SNAP91: variants seen among roughly 807,000 people sequenced by gnomAD.
SNAP91 encodes the protein synaptosome associated protein 91, also known as clathrin coat assembly protein AP180.
SNAP91 carries 27 observed loss-of-function variants against 100.3 expected under a neutral mutation model. The ratio of observed to expected loss-of-function variants is 0.27; its 90% CI spans 0.20 to 0.37. SNAP91 has a LOEUF of 0.37. Among genes scored for constraint, SNAP91 ranks in the 10% least tolerant of loss-of-function variants. The pLI is 1.00. For synonymous variants in SNAP91, 404 were observed against 398.6 expected, an observed-to-expected ratio of 1.01 and a Z score of -0.16; for missense variants, 986 against 1,123.7, an observed-to-expected ratio of 0.88 and a Z score of 1.75.
chr6:83,705,281 A>T (rs2099362283), intron 2 of SNAP91, among the ~76,000 whole-genome samples: 1 of 152,202 alleles, frequency 6.6e-6, no homozygotes. Flanking sequence ...ACAGAATTAA[A>T]ATATTTTCAT....
chr6:83,656,774 T>A lies in SNAP91; in HGVS notation c.638A>T (p.Asp213Val). Residue 213 changes from aspartate (D) to valine (V), a missense_variant, in exon 7 of 30, where the codon GAT (aspartate) becomes GTT (valine). Around this residue, in one of 4 missense-constraint regions of SNAP91, gnomAD observed 330 missense variants for 447.5 expected, o/e 0.74. Transcript: ENST00000369694. Reference protein sequence around the residue: ...DLIKLFACYNDGVINLLEKFF... With the variant: ...DLIKLFACYNVGVINLLEKFF... The stretch of plus-strand genomic sequence containing the variant: ...CCTACCGAGTAAGTTAATAACACCA[T>A]CATTGTAGCAAGCAAAAAGTTTGAT... 1 of 1,584,494 alleles carries A rather than the reference T, an allele frequency of 6.3e-7. No individual in the cohort carries two copies. Among genetic ancestry groups the A allele is most frequent in the Non-Finnish European group, 8.6e-7 (1 of 1,156,382 alleles).
intron 23 of SNAP91, 69 bp from the exon 24 acceptor site, chr6:83,580,668 A>G: frequency 7.1e-7 from 1 of 1,416,908 alleles, no homozygotes. Context: ...AATTAAAGTA[A>G]AACTCTCTTT....
chr6:83,665,400 C>T, intron 3 of SNAP91, 39 bp downstream of exon 3: 1 of 1,594,900 alleles, frequency 6.3e-7, no homozygotes, highest in Non-Finnish European at 8.5e-7. Context: ...CTAAAAGCCT[C>T]CTTCCTCCAT....
intron 8 of SNAP91, among the ~76,000 whole-genome samples, chr6:83,627,842 CATTT>C (rs1042183109): frequency 7.3e-5 from 11 of 151,658 alleles, no homozygotes; most frequent in African/African-American, 2.4e-4. Context: ...GTGTCAATTT[CATTT>C]ATTTATTTAT....
intron 28 of SNAP91, 142 bp downstream of exon 28, chr6:83,559,962 C>T: frequency 1.5e-6 from 1 of 685,920 alleles, no homozygotes; most frequent in Admixed American, 2.4e-5. Flanking sequence ...TTTTGCAGAT[C>T]TGTCTTCCAA....
intron 22 of SNAP91, among the ~76,000 whole-genome samples, chr6:83,585,654 G>A (rs73751560): frequency 0.036 from 5,441 of 151,986 alleles, 382 homozygotes; most frequent in East Asian, 0.19. Context: ...CTGTTTTCAG[G>A]TACTCAACCA....
Position 83,665,467 on chromosome 6 carries a change from G to A in SNAP91, c.245C>T (p.Thr82Ile), listed in dbSNP as rs1186239843. The change falls in exon 3 of 30, where the codon ACA becomes ATA. Residue 82 changes from threonine to isoleucine, a missense_variant. This residue lies in a region of SNAP91 where 330 missense variants were observed against 447.5 expected (regional missense o/e 0.74). Transcript: ENST00000369694. The part of the protein sequence containing the change: ...WVVVFKALVT[T>I]HHLMVHGNER... ...ATTTCCATGCACCATGAGATGATGT[G>A]TTGTCACTAAAGCCTTAAACACAAC... is the stretch of plus-strand genomic sequence containing the variant. 6.2e-7 allele frequency: 1 copy of A among 1,612,630 alleles called. No homozygotes were observed. Among genetic ancestry groups the A allele is most frequent in the Non-Finnish European group, 8.5e-7 (1 of 1,179,134 alleles).
intron 2 of SNAP91, among the ~76,000 whole-genome samples, chr6:83,694,767 C>A (rs2099174046): frequency 6.6e-6 from 1 of 152,144 alleles, no homozygotes; most frequent in South Asian, 2.1e-4. Flanking sequence ...AGAGGTCAAG[C>A]TTCACCCCTG....
chr6:83,667,492 T>A (rs895115813), intron 2 of SNAP91, among the ~76,000 whole-genome samples: 4 of 152,026 alleles, frequency 2.6e-5, no homozygotes, highest in Non-Finnish European at 5.9e-5. Flanking sequence ...GATAATATTC[T>A]TTTCACTGCT....
intron 2 of SNAP91, among the ~76,000 whole-genome samples, chr6:83,688,518 T>TTTC (rs2099090514): frequency 2.0e-5 from 3 of 151,406 alleles, no homozygotes; most frequent in Admixed American, 2.0e-4. Flanking sequence ...TTTTTTTTTT[T>TTTC]TTTTGAGATT....
intron 24 of SNAP91, among the ~76,000 whole-genome samples, chr6:83,576,758 G>T (rs11756746): frequency 1.3e-5 from 2 of 152,052 alleles, no homozygotes; most frequent in Admixed American, 6.5e-5. Flanking sequence ...TGAGTACAAC[G>T]ATGTGCTGAG....
intron 26 of SNAP91, among the ~76,000 whole-genome samples, chr6:83,569,372 A>T (rs1263011540): frequency 6.6e-6 from 1 of 152,144 alleles, no homozygotes; most frequent in Non-Finnish European, 1.5e-5. Flanking sequence ...TTTTGGGGTT[A>T]AAAAAATGAG....
intron 2 of SNAP91, among the ~76,000 whole-genome samples, chr6:83,707,362 G>A (rs891475950): frequency 2.0e-5 from 3 of 150,306 alleles, no homozygotes; most frequent in Admixed American, 6.6e-5. Flanking sequence ...ATTTAGGAAA[G>A]AACTAGGGTG....
rs114545537 is a variant in SNAP91 at position 83,665,720 on chromosome 6, A to C, written c.131-139T>G. The C allele has an allele frequency of 2.0e-3, 1,304 of 652,922 alleles. 10 individuals carry two copies. The African/African-American group carries it at 0.022, about 11-fold the overall frequency. 40.4% of individuals were successfully genotyped at this position (652,922 alleles called of 1,614,324 possible). On this transcript the variant is annotated intron_variant, in intron 2 of 29. Transcript: ENST00000369694. ...TAATAGCTGATAACAAAATTTAAAA[A>C]ATTAAACTGTAATATTTTACCCATG...
chr6:83,705,595 A>G (rs2099365360), intron 2 of SNAP91, among the ~76,000 whole-genome samples: 1 of 152,154 alleles, frequency 6.6e-6, no homozygotes, highest in Non-Finnish European at 1.5e-5. Flanking sequence ...ACCTGAGGGA[A>G]GGAGTTCAAG....
chr6:83,618,187 C>A (rs1562367775), intron 9 of SNAP91, among the ~76,000 whole-genome samples: 1 of 151,622 alleles, frequency 6.6e-6, no homozygotes, highest in Non-Finnish European at 1.5e-5. Flanking sequence ...TCTTAACATT[C>A]ATGTGATTAT....
At chr6:83,612,493 G>A (rs1318184237) in intron 11 of SNAP91, among the ~76,000 whole-genome samples, 1 of 152,072 alleles carries the variant, frequency 6.6e-6, no homozygotes, top group Non-Finnish European at 1.5e-5. Context: ...TTCTAAGAAT[G>A]AATTAATTTA....
At chr6:83,591,131 T>C in intron 22 of SNAP91, 80 bp downstream of exon 22, 5 of 940,692 alleles carry the variant, frequency 5.3e-6, no homozygotes, top group Non-Finnish European at 8.4e-6. Context: ...CACCCTGCAA[T>C]TTATGTAATT....
At chr6:83,580,204 T>C (rs1199882267) in intron 24 of SNAP91, among the ~76,000 whole-genome samples, 1 of 152,132 alleles carries the variant, frequency 6.6e-6, no homozygotes, top group Non-Finnish European at 1.5e-5. Context: ...TCCCTGATTA[T>C]ACCTTTAATA....
Sources: allele counts gnomAD v4.1 joint callset (sites outside exome capture counted in the v4.1 genomes callset), GRCh38; gene constraint gnomAD v4.1.1; regional missense constraint gnomAD v4.1.1; transcripts MANE v1.5; gene names NCBI Gene and HGNC (gene_info 2026-07-23, HGNC 2026-07-21).